GATAD2A: variants seen among roughly 807,000 people sequenced by gnomAD.
GATAD2A encodes transcriptional repressor p66-alpha.
GATAD2A carries 12 observed loss-of-function variants against 68.5 expected under a neutral mutation model. The ratio of observed to expected loss-of-function variants is 0.18; its 90% CI spans 0.11 to 0.28. GATAD2A has a LOEUF of 0.28. GATAD2A is among the 10% of genes least tolerant of loss of function. GATAD2A has a pLI of 1.00. For synonymous variants in GATAD2A, 410 were observed against 375.3 expected, an observed-to-expected ratio of 1.09 and a Z score of -1.07; for missense variants, 755 against 868.5, an observed-to-expected ratio of 0.87 and a Z score of 1.64.
chr19:19,483,525 A>T (rs1258863802), intron 2 of GATAD2A, among the ~76,000 whole-genome samples: 3 of 152,122 alleles, frequency 2.0e-5, no homozygotes, highest in Admixed American at 6.5e-5. Flanking sequence ...AGGGAACCGC[A>T]GAGGGGCTGC....
chr19:19,451,565 A>G (rs1299959877), intron 1 of GATAD2A, among the ~76,000 whole-genome samples: 5 of 152,228 alleles, frequency 3.3e-5, no homozygotes, highest in Non-Finnish European at 4.4e-5. Flanking sequence ...CAGTGAGTTG[A>G]GGACGTTCTG....
chr19:19,465,679 G>T, intron 2 of GATAD2A, 65 bp downstream of exon 2: 1 of 1,528,224 alleles, frequency 6.5e-7, no homozygotes, highest in African/African-American at 1.4e-5. Context: ...CCCAGGTTGG[G>T]GCTGGCCACA....
intron 1 of GATAD2A, among the ~76,000 whole-genome samples, chr19:19,439,860 AACAAAAAAC>A (rs2054794135): frequency 1.3e-5 from 2 of 152,236 alleles, no homozygotes; most frequent in Admixed American, 6.5e-5. Flanking sequence ...AAAACAAACA[AACAAAAAAC>A]ACAAAAAAGC....
chr19:19,436,516 A>G (rs2054368601), intron 1 of GATAD2A, among the ~76,000 whole-genome samples: 1 of 152,256 alleles, frequency 6.6e-6, no homozygotes, highest in East Asian at 1.9e-4. Context: ...AATCCTGGCC[A>G]GTGGCCTTTG....
rs759989463 is a variant in GATAD2A at position 19,492,588 on chromosome 19, G to C, written c.410G>C (p.Ser137Thr). ...TTCCTCTCGCCCCTGCAGAAAAGCA[G>C]TCCTGAAGAACGAGAAAGGATGATC... ...ETSTEALMKS[S>T]PEERERMIKQ... The change falls in exon 4 of 12, where the codon AGT becomes ACT. Residue 137 changes from serine to threonine, a missense_variant. Ser to Thr is a moderately conservative substitution (Grantham distance 58). Coordinates refer to ENST00000683918, the MANE Select transcript of GATAD2A (RefSeq NM_001384528.1). The C allele has an allele frequency of 5.6e-6, 9 of 1,614,230 alleles. No homozygotes were observed. Among genetic ancestry groups the C allele is most frequent in the Non-Finnish European group, 7.6e-6 (9 of 1,180,038 alleles).
chr19:19,501,858 T>G, intron 9 of GATAD2A, 111 bp from the exon 10 acceptor site: 1 of 764,022 alleles, frequency 1.3e-6, no homozygotes, highest in Non-Finnish European at 2.2e-6. Context: ...AGATCCCCAC[T>G]TGGCGCCTAA....
chr19:19,387,047 C>T (rs991657275), intron 1 of GATAD2A, among the ~76,000 whole-genome samples: 4 of 152,186 alleles, frequency 2.6e-5, no homozygotes, highest in Non-Finnish European at 1.5e-5. Flanking sequence ...GAGAGACCCT[C>T]TGCCTCTCTG....
chr19:19,499,072 A>G (rs912767173), intron 8 of GATAD2A, among the ~76,000 whole-genome samples: 41 of 152,238 alleles, frequency 2.7e-4, no homozygotes, highest in African/African-American at 9.6e-4. Flanking sequence ...GTTGTGACAC[A>G]CAGGCAGAAC....
chr19:19,407,706 G>A (rs542534722), intron 1 of GATAD2A, among the ~76,000 whole-genome samples: 1 of 152,298 alleles, frequency 6.6e-6, no homozygotes, highest in South Asian at 2.1e-4. Context: ...TTGTTCTAGT[G>A]GAGCAGCGTT....
intron 1 of GATAD2A, among the ~76,000 whole-genome samples, chr19:19,453,000 C>T (rs562493112): frequency 3.9e-5 from 6 of 152,328 alleles, no homozygotes; most frequent in South Asian, 2.1e-4. Flanking sequence ...CCTGGTTACC[C>T]GGGAAGCCCG....
At chr19:19,446,622 T>C (rs2055756435) in intron 1 of GATAD2A, among the ~76,000 whole-genome samples, 1 of 152,236 alleles carries the variant, frequency 6.6e-6, no homozygotes, top group Non-Finnish European at 1.5e-5. Flanking sequence ...ATTTTTCTCC[T>C]GTGTTTTTTC....
At chr19:19,426,876 C>G (rs76707902) in intron 1 of GATAD2A, among the ~76,000 whole-genome samples, 45 of 152,316 alleles carry the variant, frequency 3.0e-4, no homozygotes, top group Non-Finnish European at 5.0e-4. Context: ...GGTAGTGAAG[C>G]ATGTCAGTGG....
chr19:19,427,985 C>T (rs2053294210), intron 1 of GATAD2A: 1 of 152,208 alleles, frequency 6.6e-6, no homozygotes, highest in Non-Finnish European at 1.5e-5. Flanking sequence ...CCGTACCCAG[C>T]CTCGAAGGTA....
Position 19,464,244 on chromosome 19 carries a change from A to C in GATAD2A, c.-6-1096A>C, listed in dbSNP as rs540550561. 1.2e-4 allele frequency among the ~76,000 whole-genome samples: 19 copies of C among 152,370 alleles called. No homozygotes were observed. In the South Asian group the frequency reaches 2.5e-3, roughly 20 times the overall value. On this transcript the variant is annotated intron_variant, in intron 1 of 11. Coordinates refer to ENST00000683918, the MANE Select transcript of GATAD2A (RefSeq NM_001384528.1). ...CTCTGTGGGGCCCAAGTGGGCACCA[A>C]CTGTCCCATGGAAAACTGTGACACT... is the stretch of plus-strand genomic sequence containing the variant.
intron 1 of GATAD2A, among the ~76,000 whole-genome samples, chr19:19,443,338 C>T (rs1483573704): frequency 6.6e-6 from 1 of 152,132 alleles, no homozygotes; most frequent in Non-Finnish European, 1.5e-5. Context: ...TGCACTTACG[C>T]CACAGGGACG....
chr19:19,497,490 G>A (rs1039501922), intron 7 of GATAD2A, among the ~76,000 whole-genome samples: 14 of 152,192 alleles, frequency 9.2e-5, no homozygotes, highest in Non-Finnish European at 1.3e-4. Flanking sequence ...TGCTCCTAGC[G>A]TGGCTGGGGG....
At chr19:19,444,455 G>T (rs1040859673) in intron 1 of GATAD2A, among the ~76,000 whole-genome samples, 5 of 152,158 alleles carry the variant, frequency 3.3e-5, no homozygotes, top group African/African-American at 1.2e-4. Context: ...CCCAGTAGGA[G>T]GCCTATCGTT....
chr19:19,493,846 G>A (rs1302540509), intron 4 of GATAD2A, among the ~76,000 whole-genome samples: 1 of 151,904 alleles, frequency 6.6e-6, no homozygotes, highest in Non-Finnish European at 1.5e-5. Flanking sequence ...CTCATGGAGG[G>A]ACACCAAGTC....
At chr19:19,390,912 A>G (rs1599957894) in intron 1 of GATAD2A, among the ~76,000 whole-genome samples, 1 of 152,290 alleles carries the variant, frequency 6.6e-6, no homozygotes, top group East Asian at 1.9e-4. Context: ...ACACAATAAT[A>G]GTACTTTGAG....
Sources: gnomAD v4.1 joint callset for allele counts (sites outside exome capture counted in the v4.1 genomes callset) on GRCh38, gnomAD v4.1.1 for gene constraint, MANE v1.5 for transcripts, NCBI Gene and HGNC (gene_info 2026-07-23, HGNC 2026-07-21) for gene names.